The following CDC42BPA variants were observed in gnomAD, a reference collection of about 807,000 sequenced individuals.
CDC42BPA encodes serine/threonine-protein kinase MRCK alpha.
In CDC42BPA, 80 loss-of-function variants were observed where a neutral mutation model predicts 223.5. That is an observed-to-expected ratio of 0.36 (90% CI 0.30 to 0.43). The LOEUF (loss-of-function observed/expected upper bound fraction) is 0.43. Among genes scored for constraint, CDC42BPA ranks in the 20% least tolerant of loss-of-function variants. The probability of loss-of-function intolerance (pLI) is 1.00; values close to 1 mark genes in which losing one functional copy is unlikely to be tolerated. For synonymous variants in CDC42BPA, 694 were observed against 718.6 expected (o/e 0.97, Z 0.55); for missense variants, 1,743 against 2,099.9 (o/e 0.83, Z 3.32).
At chr1:227,140,860 T>C (rs939445715) in intron 9 of CDC42BPA, among the ~76,000 whole-genome samples, 1 of 152,148 alleles carries the variant, frequency 6.6e-6, no homozygotes. Context: ...TTAGGAGTCA[T>C]CAGCAAATCT....
chr1:227,224,423 G>A (rs889160055), intron 2 of CDC42BPA, among the ~76,000 whole-genome samples: 4 of 151,868 alleles, frequency 2.6e-5, no homozygotes, highest in African/African-American at 9.7e-5. Context: ...GTAGAGATGG[G>A]GTTTCATCAT....
At position 227,145,650 on chromosome 1, in the gene CDC42BPA, G is replaced by A. The variant is rs780699158; in HGVS notation, c.982C>T (p.Arg328Ter). 2.5e-6 allele frequency: 4 copies of A among 1,613,538 alleles called. No individual in the cohort carries two copies. The highest frequency in any genetic ancestry group is 1.1e-5 in the South Asian group (1 of 91,066). ...IRRLICSREH[R>*]LGQNGIEDFK... Reference sequence around the variant, plus strand: ...TCTTCTATTCCATTTTGACCAAGTCGATGTTCTCTGCTACAAATGAGCCTT... The same window carrying A: ...TCTTCTATTCCATTTTGACCAAGTCAATGTTCTCTGCTACAAATGAGCCTT... Residue 328 changes from arginine to a stop codon, truncating the protein, a stop_gained, in exon 8 of 37, where the codon CGA becomes TGA. Coordinates refer to ENST00000366766, the MANE Select transcript of CDC42BPA (RefSeq NM_001394014.1). LOFTEE classifies it high-confidence loss of function.
Position 227,048,013 on chromosome 1 carries a change from G to T in CDC42BPA, c.3010-3C>A. ...GAAAGTGGAGTGGAGTCTACAGTCT[G>T]AACCCAGGAGCAAAAAAGGAAATAA... On this transcript the variant is annotated splice_polypyrimidine_tract_variant and splice_region_variant and intron_variant, in intron 22 of 36. Coordinates refer to ENST00000366766, the MANE Select transcript of CDC42BPA (RefSeq NM_001394014.1). 6.3e-7 allele frequency: 1 copy of T among 1,576,728 alleles called. No individual in the cohort carries two copies. The highest frequency in any genetic ancestry group is 1.1e-5 in the South Asian group (1 of 87,222).
chr1:227,022,423 AC>A (rs1481709297), intron 32 of CDC42BPA, among the ~76,000 whole-genome samples: 1 of 123,434 alleles, frequency 8.1e-6, no homozygotes, highest in African/African-American at 3.0e-5. Context: ...ACAGAGTGAG[AC>A]TCCCGTCTCA....
intron 1 of CDC42BPA, among the ~76,000 whole-genome samples, chr1:227,292,500 A>T (rs1303432861): frequency 2.6e-5 from 4 of 152,178 alleles, no homozygotes; most frequent in East Asian, 1.9e-4. Context: ...AAAACTTTTT[A>T]AAAATATTTT....
chr1:227,270,314 G>A (rs1443243079), intron 1 of CDC42BPA, among the ~76,000 whole-genome samples: 2 of 152,138 alleles, frequency 1.3e-5, no homozygotes, highest in African/African-American at 4.8e-5. Context: ...AAACAATTAA[G>A]CAAAGAATCA....
At chr1:227,219,003 C>T (rs924970382) in intron 2 of CDC42BPA, among the ~76,000 whole-genome samples, 1 of 152,108 alleles carries the variant, frequency 6.6e-6, no homozygotes, top group African/African-American at 2.4e-5. Flanking sequence ...CCAATCAGAA[C>T]AAACACTGGC....
intron 24 of CDC42BPA, among the ~76,000 whole-genome samples, chr1:227,036,782 C>T (rs568479358): frequency 2.4e-4 from 37 of 152,226 alleles, no homozygotes; most frequent in South Asian, 6.2e-4. Flanking sequence ...GTTTTACTTA[C>T]AAGCAAAGGG....
intron 32 of CDC42BPA, 109 bp downstream of exon 32, chr1:227,023,154 T>G: frequency 1.7e-6 from 1 of 603,576 alleles, no homozygotes; most frequent in South Asian, 1.9e-5. Flanking sequence ...AAGATACACC[T>G]GTGTTGAAAT....
intron 1 of CDC42BPA, among the ~76,000 whole-genome samples, chr1:227,281,551 T>C (rs1248034921): frequency 6.6e-6 from 1 of 152,148 alleles, no homozygotes; most frequent in Non-Finnish European, 1.5e-5. Context: ...GCCCCCACGC[T>C]TGCCAGTCTC....
At chr1:227,047,801 T>G (rs1672751422) in intron 23 of CDC42BPA, 126 bp downstream of exon 23, 2 of 589,782 alleles carry the variant, frequency 3.4e-6, no homozygotes. Context: ...TCACACATAA[T>G]TTATTTTATA....
rs192363237 is a variant in CDC42BPA at position 227,005,827 on chromosome 1, T to C, written c.4858-716A>G. On this transcript the variant is annotated intron_variant, in intron 34 of 36. Transcript: ENST00000366766. ...ATATTTCCATTTAATTATTGAATGATTTTAGTGTGTGAGGTAGGAAAATAG... is the reference window on the plus strand; with the variant it reads ...ATATTTCCATTTAATTATTGAATGACTTTAGTGTGTGAGGTAGGAAAATAG... Among the ~76,000 whole-genome samples, 863 of 152,368 alleles carry C rather than the reference T, an allele frequency of 5.7e-3. 1 individual carries two copies. Among genetic ancestry groups the C allele is most frequent in the Non-Finnish European group, 9.1e-3 (616 of 68,034 alleles).
chr1:227,198,954 T>G (rs1671255767), intron 4 of CDC42BPA, among the ~76,000 whole-genome samples: 1 of 152,110 alleles, frequency 6.6e-6, no homozygotes, highest in Non-Finnish European at 1.5e-5. Flanking sequence ...TTCACCGTGT[T>G]AGCTAGGATG....
chr1:227,113,187 G>A (rs935210886), intron 12 of CDC42BPA, among the ~76,000 whole-genome samples: 1 of 152,204 alleles, frequency 6.6e-6, no homozygotes, highest in Non-Finnish European at 1.5e-5. Context: ...AGGAATAAAC[G>A]ATATGATGGT....
At chr1:227,185,801 C>T (rs1395019700) in intron 5 of CDC42BPA, among the ~76,000 whole-genome samples, 1 of 151,490 alleles carries the variant, frequency 6.6e-6, no homozygotes, top group Admixed American at 6.6e-5. Flanking sequence ...TGTTCCTCCA[C>T]TCATCAGAGC....
intron 9 of CDC42BPA, among the ~76,000 whole-genome samples, chr1:227,141,674 T>C (rs1659695929): frequency 6.6e-6 from 1 of 152,206 alleles, no homozygotes; most frequent in South Asian, 2.1e-4. Context: ...CCAGATGCAG[T>C]GGCTCACATC....
chr1:227,092,791 T>A (rs958498163), intron 15 of CDC42BPA, among the ~76,000 whole-genome samples: 1 of 152,218 alleles, frequency 6.6e-6, no homozygotes, highest in African/African-American at 2.4e-5. Flanking sequence ...TCCCCAATTG[T>A]AAATATTTTA....
chr1:227,044,380 G>C (rs1671974844), intron 23 of CDC42BPA, among the ~76,000 whole-genome samples: 1 of 151,978 alleles, frequency 6.6e-6, no homozygotes, highest in Non-Finnish European at 1.5e-5. Flanking sequence ...TGTGATTTGA[G>C]ATCTTATATT....
intron 1 of CDC42BPA, among the ~76,000 whole-genome samples, chr1:227,293,520 T>TA (rs34855867): frequency 0.019 from 2,663 of 143,372 alleles, 62 homozygotes; most frequent in African/African-American, 0.058. Flanking sequence ...GTAAAGTCAT[T>TA]AAAAAAAAAA....
Sources: allele counts gnomAD v4.1 joint callset (sites outside exome capture counted in the v4.1 genomes callset), GRCh38; gene constraint gnomAD v4.1.1; transcripts MANE v1.5; gene names NCBI Gene and HGNC (gene_info 2026-07-23, HGNC 2026-07-21).